Variants in KCNH8 observed in about 807,000 individuals in gnomAD.
KCNH8 encodes potassium voltage-gated channel subfamily H member 8.
KCNH8 carries 70 observed loss-of-function variants against 103.6 expected under a neutral mutation model. That is an observed-to-expected ratio of 0.68 (90% CI 0.56 to 0.82). KCNH8 has a LOEUF of 0.82. Among genes scored for constraint, KCNH8 ranks in the 40% least tolerant of loss-of-function variants. The pLI is 0.00. For missense variants in KCNH8, 1,217 were observed against 1,329.9 expected, an observed-to-expected ratio of 0.92 and a Z score of 1.32; for synonymous variants, 498 against 489.4, an observed-to-expected ratio of 1.02 and a Z score of -0.23.
rs1361570334 is a variant in KCNH8 at position 19,513,112 on chromosome 3, A to T, written c.2222A>T (p.Lys741Met). 6.2e-7 allele frequency: 1 copy of T among 1,613,962 alleles called. No homozygotes were observed. Among genetic ancestry groups the T allele is most frequent in the Admixed American group, 1.7e-5 (1 of 59,938 alleles). Residue 741 changes from lysine to methionine, a missense_variant, in exon 13 of 16, where the codon AAG becomes ATG. This residue lies in a region of KCNH8 where 558 missense variants were observed against 495.8 expected (regional missense o/e 1.13). Transcript: ENST00000328405. Reference sequence around the variant, plus strand: ...AGGGGATCTTCTTCGCGCAACAAGAAGGTTGGAAGCAATAAAGCCTACCTG... The same window carrying T: ...AGGGGATCTTCTTCGCGCAACAAGATGGTTGGAAGCAATAAAGCCTACCTG... ...CTRGSSSRNKKVGSNKAYLGL... is the reference protein window; with the variant it reads ...CTRGSSSRNKMVGSNKAYLGL...
At chr3:19,308,995 T>C (rs1250085404) in intron 3 of KCNH8, among the ~76,000 whole-genome samples, 4 of 151,746 alleles carry the variant, frequency 2.6e-5, no homozygotes, top group Admixed American at 2.0e-4. Flanking sequence ...GCTTCAGGCC[T>C]GGAAATAACA....
intron 9 of KCNH8, chr3:19,450,731 A>G (rs1575080326): frequency 3.6e-6 from 1 of 280,604 alleles, no homozygotes; most frequent in East Asian, 1.0e-4. Flanking sequence ...TAAAAACAGT[A>G]TTATATAAAT....
At chr3:19,523,746 G>A (rs185808117) in intron 15 of KCNH8, among the ~76,000 whole-genome samples, 44 of 151,966 alleles carry the variant, frequency 2.9e-4, no homozygotes, top group Non-Finnish European at 1.3e-4. Context: ...ATAGAAAACT[G>A]GATACTGGCA....
chr3:19,455,517 G>A (rs906846502), intron 10 of KCNH8, among the ~76,000 whole-genome samples: 6 of 151,956 alleles, frequency 3.9e-5, no homozygotes, highest in Admixed American at 2.0e-4. Context: ...GAGACCCAAA[G>A]TTACTTAAAA....
In KCNH8 at chr3:19,374,743, T is replaced by C. The variant is rs570587810; in HGVS notation, c.812-15738T>C. 3.3e-4 allele frequency among the ~76,000 whole-genome samples: 51 copies of C among 152,278 alleles called. No homozygotes were observed. In the Middle Eastern group the frequency reaches 0.014, roughly 41 times the overall value. ...GGCATGATTTTGCAGTGGCTGGTACTAGTTGTTCCTTTCCATGTTTAGTGC... is the reference window on the plus strand; with the variant it reads ...GGCATGATTTTGCAGTGGCTGGTACCAGTTGTTCCTTTCCATGTTTAGTGC... On this transcript the variant is annotated intron_variant, in intron 5 of 15. Coordinates refer to ENST00000328405, the MANE Select transcript of KCNH8 (RefSeq NM_144633.3).
At chr3:19,232,746 TGA>T (rs2064010598) in intron 1 of KCNH8, among the ~76,000 whole-genome samples, 1 of 152,152 alleles carries the variant, frequency 6.6e-6, no homozygotes, top group Non-Finnish European at 1.5e-5. Flanking sequence ...ATGAAGCATC[TGA>T]GAGGTATGGT....
At chr3:19,446,768 T>C (rs1384710049) in intron 8 of KCNH8, among the ~76,000 whole-genome samples, 2 of 148,284 alleles carry the variant, frequency 1.3e-5, no homozygotes, top group African/African-American at 5.0e-5. Flanking sequence ...TGTCCAAAAT[T>C]CAGGAAAAGA....
chr3:19,194,615 A>G (rs577133345), intron 1 of KCNH8, among the ~76,000 whole-genome samples: 1 of 151,890 alleles, frequency 6.6e-6, no homozygotes, highest in South Asian at 2.1e-4. Flanking sequence ...ACAGTAGACA[A>G]TGGGGACTAT....
At chr3:19,260,488 A>ATG (rs1491125843) in intron 2 of KCNH8, among the ~76,000 whole-genome samples, 1 of 642 alleles carries the variant, frequency 1.6e-3, no homozygotes, top group East Asian at 0.045. Flanking sequence ...ACTCTATAGG[A>ATG]TATATATATA....
At chr3:19,442,450 A>G (rs1292871690) in intron 8 of KCNH8, among the ~76,000 whole-genome samples, 1 of 152,216 alleles carries the variant, frequency 6.6e-6, no homozygotes, top group Non-Finnish European at 1.5e-5. Flanking sequence ...TGTGAGTAGT[A>G]CTGAATCAAA....
chr3:19,168,011 CTTT>C (rs752541967), intron 1 of KCNH8, among the ~76,000 whole-genome samples: 3 of 135,754 alleles, frequency 2.2e-5, no homozygotes, highest in Non-Finnish European at 4.8e-5. Context: ...CTCTCCACTT[CTTT>C]TTTTTTTTTT....
chr3:19,395,758 GGAGA>G (rs1221775953), intron 7 of KCNH8, among the ~76,000 whole-genome samples: 7 of 151,920 alleles, frequency 4.6e-5, no homozygotes, highest in Admixed American at 1.3e-4. Flanking sequence ...CCCTTTACAA[GGAGA>G]GAGAGAGTGT....
At chr3:19,246,274 G>GTTTTTTTTTTTTTT (rs920423108) in intron 1 of KCNH8, among the ~76,000 whole-genome samples, 2 of 86,352 alleles carry the variant, frequency 2.3e-5, no homozygotes, top group Non-Finnish European at 4.4e-5. Context: ...TGTTGTTGTT[G>GTTTTTTTTTTTTTT]TTTTTTTTTT....
Position 19,281,254 on chromosome 3 carries a change from G to T in KCNH8, c.367G>T (p.Val123Leu). 6.2e-7 allele frequency: 1 copy of T among 1,610,540 alleles called. No homozygotes were observed. Among genetic ancestry groups the T allele is most frequent in the Non-Finnish European group, 8.5e-7 (1 of 1,177,246 alleles). Reference protein sequence around the residue: ...IVPIKNEKGDVVLFLASFKDI... With the variant: ...IVPIKNEKGDLVLFLASFKDI... ...TCCCATAAAGAATGAAAAAGGAGAT[G>T]TAGTACTTTTTCTGGCCTCGTTCAA... The change falls in exon 3 of 16, where the codon GTA becomes TTA. Residue 123 changes from valine (V) to leucine (L), a missense_variant. Val to Leu is a conservative substitution (Grantham distance 32). Around this residue, in one of 3 missense-constraint regions of KCNH8, gnomAD observed 244 missense variants for 256.8 expected, o/e 0.95. Coordinates refer to ENST00000328405, the MANE Select transcript of KCNH8 (RefSeq NM_144633.3).
rs150023729 is a variant in KCNH8, at chr3:19,260,595, T to G, written c.310+6708T>G. Among the ~76,000 whole-genome samples, 1,257 of 140,650 alleles carry G rather than the reference T, an allele frequency of 8.9e-3. 18 individuals are homozygous for G. The highest frequency in any genetic ancestry group is 0.031 in the African/African-American group (1,198 of 39,020). 92.3% of individuals were successfully genotyped at this position (140,650 alleles called of 152,430 possible). A position where few individuals can be genotyped will look rare whatever the true frequency, so the allele number is the denominator to read the frequency against. ...CCATTATCTCACAGAGTTACCCACT[T>G]CCACCCCTGTGGCAAGAGCAGCTGT... On this transcript the variant is annotated intron_variant, in intron 2 of 15. Transcript: ENST00000328405.
chr3:19,362,041 T>C (rs1286560579), intron 5 of KCNH8, among the ~76,000 whole-genome samples: 1 of 152,126 alleles, frequency 6.6e-6, no homozygotes, highest in East Asian at 1.9e-4. Flanking sequence ...GTGAGGTAAT[T>C]ATATCAAGAA....
chr3:19,368,757 A>G (rs564543356), intron 5 of KCNH8, among the ~76,000 whole-genome samples: 57 of 152,158 alleles, frequency 3.7e-4, no homozygotes, highest in Non-Finnish European at 6.6e-4. Context: ...ATTGACTGCA[A>G]TAGTAAATAA....
intron 5 of KCNH8, among the ~76,000 whole-genome samples, chr3:19,381,934 G>A (rs952373430): frequency 2.0e-5 from 3 of 152,124 alleles, no homozygotes; most frequent in African/African-American, 7.2e-5. Context: ...AACCAGGACA[G>A]TGGTTATATT....
chr3:19,451,120 C>G (rs754279431), intron 9 of KCNH8, 35 bp from the exon 10 acceptor site: 4 of 1,609,598 alleles, frequency 2.5e-6, no homozygotes, highest in Non-Finnish European at 3.4e-6. Flanking sequence ...CTACACTTAC[C>G]CCAATTTGAT....
Sources: allele counts gnomAD v4.1 joint callset (sites outside exome capture counted in the v4.1 genomes callset), GRCh38; gene constraint gnomAD v4.1.1; regional missense constraint gnomAD v4.1.1; transcripts MANE v1.5; gene names NCBI Gene and HGNC (gene_info 2026-07-23, HGNC 2026-07-21).